Variants in DACH2 observed in about 807,000 individuals in gnomAD.
DACH2 encodes dachshund family transcription factor 2.
A neutral mutation model predicts 35.8 loss-of-function variants in DACH2; 17 were observed. The observed-to-expected ratio is 0.48, with a 90% CI of 0.33 to 0.71. The LOEUF (loss-of-function observed/expected upper bound fraction) is 0.71, where lower values mean the gene tolerates loss of function less well. Among genes scored for constraint, DACH2 ranks in the 30% least tolerant of loss-of-function variants. DACH2 has a pLI of 0.02. For synonymous variants in DACH2, 195 were observed against 177.3 expected (o/e 1.10, Z -0.79); for missense variants, 469 against 472.7 (o/e 0.99, Z 0.07).
intron 5 of DACH2, among the ~76,000 whole-genome samples, chrX:86,701,373 A>G (rs183518973): frequency 9.0e-6 from 1 of 111,612 alleles, no homozygotes; most frequent in Admixed American, 9.5e-5. Flanking sequence ...AAATAATAAG[A>G]GCCATCTCTG....
chrX:86,461,294 TTTAA>T (rs2037567798), intron 2 of DACH2, among the ~76,000 whole-genome samples: 1 of 111,628 alleles, frequency 9.0e-6, no homozygotes, highest in South Asian at 3.7e-4. Flanking sequence ...ATCATAATTA[TTTAA>T]TTATTCTTTA....
intron 2 of DACH2, among the ~76,000 whole-genome samples, chrX:86,421,235 C>A (rs920389675): frequency 9.0e-6 from 1 of 111,695 alleles, no homozygotes; most frequent in Non-Finnish European, 1.9e-5. Flanking sequence ...ATGCATCCAG[C>A]AAGTATTTTT....
intron 2 of DACH2, among the ~76,000 whole-genome samples, chrX:86,410,996 T>C (rs1335551100): frequency 1.7e-5 from 1 of 60,306 alleles, no homozygotes; most frequent in African/African-American, 6.3e-5. Flanking sequence ...GTCAGGGTTC[T>C]CTAGAGGGAC....
At chrX:86,763,953 A>T (rs761246099) in intron 7 of DACH2, among the ~76,000 whole-genome samples, 15 of 112,005 alleles carry the variant, frequency 1.3e-4, no homozygotes, top group Non-Finnish European at 2.6e-4. Context: ...AAATGCTAAC[A>T]GTAAATATCT....
intron 11 of DACH2, among the ~76,000 whole-genome samples, chrX:86,817,193 G>A (rs1412790686): frequency 8.9e-6 from 1 of 112,040 alleles, no homozygotes; most frequent in Non-Finnish European, 1.9e-5. Flanking sequence ...TATGTTAGGT[G>A]TAAAAGCATG....
rs184227062 is a variant in DACH2, at chrX:86,648,223, T to A, written c.641-2813T>A. On this transcript the variant is annotated intron_variant, in intron 3 of 11. Coordinates refer to ENST00000373125, the MANE Select transcript of DACH2 (RefSeq NM_053281.3). The stretch of plus-strand genomic sequence containing the variant: ...ACTTTTAGGTGTATGTGTGACTTTT[T>A]ACCTATATTGTAGCACTTTCACTTT... Among the ~76,000 whole-genome samples, 579 of 111,875 alleles carry A rather than the reference T, an allele frequency of 5.2e-3. 4 individuals carry two copies. Among genetic ancestry groups the A allele is most frequent in the African/African-American group, 0.018 (555 of 30,988 alleles).
intron 1 of DACH2, among the ~76,000 whole-genome samples, chrX:86,171,920 G>A (rs1175521316): frequency 9.0e-6 from 1 of 111,330 alleles, no homozygotes; most frequent in Non-Finnish European, 1.9e-5. Flanking sequence ...TTGAGAATGA[G>A]GTTTTTTTAA....
intron 3 of DACH2, among the ~76,000 whole-genome samples, chrX:86,597,097 A>G (rs971935734): frequency 2.0e-4 from 22 of 111,595 alleles, no homozygotes; most frequent in Middle Eastern, 9.2e-3. Flanking sequence ...TTCTTTTCCA[A>G]GATGTTTTGC....
intron 3 of DACH2, among the ~76,000 whole-genome samples, chrX:86,588,137 GTTGT>G (rs2039598664): frequency 9.0e-6 from 1 of 111,132 alleles, no homozygotes; most frequent in Admixed American, 9.6e-5. Context: ...TCATTTTCCT[GTTGT>G]TTATTTTTGT....
chrX:86,441,794 A>G (rs775841568), intron 2 of DACH2, among the ~76,000 whole-genome samples: 3 of 107,205 alleles, frequency 2.8e-5, no homozygotes, highest in South Asian at 8.1e-4. Flanking sequence ...TTTCACATCT[A>G]CAGCAGCATT....
At chrX:86,340,169 T>TA (rs1252156527) in intron 1 of DACH2, among the ~76,000 whole-genome samples, 1 of 111,916 alleles carries the variant, frequency 8.9e-6, no homozygotes, top group Non-Finnish European at 1.9e-5. Context: ...TGCCTTACTT[T>TA]ATTGCACTTA....
At chrX:86,303,127 A>G (rs902630835) in intron 1 of DACH2, among the ~76,000 whole-genome samples, 7 of 104,101 alleles carry the variant, frequency 6.7e-5, no homozygotes, top group Non-Finnish European at 9.8e-5. Flanking sequence ...ATGTTCTTAA[A>G]CCACTAAGGA....
chrX:86,395,106 C>T (rs1269092144), intron 2 of DACH2, among the ~76,000 whole-genome samples: 1 of 111,436 alleles, frequency 9.0e-6, no homozygotes, highest in Non-Finnish European at 1.9e-5. Context: ...GTAAAAAGGG[C>T]AGTATCATAA....
At chrX:86,564,095 G>A (rs2039263150) in intron 3 of DACH2, among the ~76,000 whole-genome samples, 1 of 110,169 alleles carries the variant, frequency 9.1e-6, no homozygotes, top group Non-Finnish European at 1.9e-5. Context: ...ACACTTTGAT[G>A]TTTCCTATTT....
At chrX:86,206,287 A>G (rs969457965) in intron 1 of DACH2, among the ~76,000 whole-genome samples, 1 of 110,941 alleles carries the variant, frequency 9.0e-6, no homozygotes, top group Non-Finnish European at 1.9e-5. Context: ...AGGGGAAAAA[A>G]AAAAAGAAAC....
At chrX:86,529,862 C>T (rs980296031) in intron 3 of DACH2, among the ~76,000 whole-genome samples, 6 of 109,069 alleles carry the variant, frequency 5.5e-5, no homozygotes, top group African/African-American at 1.3e-4. Flanking sequence ...TATCCCTTAA[C>T]GTAATGACCT....
intron 6 of DACH2, among the ~76,000 whole-genome samples, chrX:86,723,733 G>C (rs900780523): frequency 1.1e-4 from 12 of 111,884 alleles, no homozygotes; most frequent in Non-Finnish European, 1.9e-4. Flanking sequence ...CTTGGAGACT[G>C]TTCCATGTGC....
intron 4 of DACH2, among the ~76,000 whole-genome samples, chrX:86,658,626 G>A (rs747414609): frequency 9.0e-6 from 1 of 111,442 alleles, no homozygotes; most frequent in Non-Finnish European, 1.9e-5. Context: ...ATTAGTCTGT[G>A]TACTATTTCT....
chrX:86,766,843 A>AT (rs927192386), intron 7 of DACH2, among the ~76,000 whole-genome samples: 117 of 109,941 alleles, frequency 1.1e-3, no homozygotes, highest in African/African-American at 3.2e-3. Flanking sequence ...TGAGTCCAGG[A>AT]TTTTTTTTTC....
Sources: allele counts gnomAD v4.1 joint callset (sites outside exome capture counted in the v4.1 genomes callset), GRCh38; gene constraint gnomAD v4.1.1; transcripts MANE v1.5; gene names NCBI Gene and HGNC (gene_info 2026-07-23, HGNC 2026-07-21).